Variants in AUH observed in about 807,000 individuals in gnomAD.
AUH encodes methylglutaconyl-CoA hydratase, mitochondrial.
Under a neutral mutation model 42.3 loss-of-function variants are expected in AUH, and 29 were observed. The ratio of observed to expected loss-of-function variants is 0.69; its 90% CI spans 0.51 to 0.93. The LOEUF is 0.93. AUH is among the 40% of genes least tolerant of loss of function. The probability of loss-of-function intolerance (pLI) is 0.00; values close to 1 mark genes in which losing one functional copy is unlikely to be tolerated. For missense variants in AUH, 452 were observed against 438.1 expected, an observed-to-expected ratio of 1.03 and a Z score of -0.28; for synonymous variants, 174 against 166.4, an observed-to-expected ratio of 1.05 and a Z score of -0.35.
At chr9:91,259,745 T>G (rs1829607811) in intron 6 of AUH, among the ~76,000 whole-genome samples, 2 of 152,176 alleles carry the variant, frequency 1.3e-5, no homozygotes. Context: ...TTTAAATATG[T>G]CTTTCGGTTT....
intron 1 of AUH, among the ~76,000 whole-genome samples, chr9:91,356,834 T>C (rs1832448918): frequency 6.6e-6 from 1 of 152,234 alleles, no homozygotes; most frequent in Admixed American, 6.5e-5. Context: ...TTTCAAAATA[T>C]CCAACTTCAA....
intron 4 of AUH, among the ~76,000 whole-genome samples, chr9:91,303,761 T>C (rs2131705040): frequency 6.6e-6 from 1 of 152,358 alleles, no homozygotes; most frequent in Admixed American, 6.5e-5. Context: ...TCAAGAAGAA[T>C]AGAAATAAAA....
chr9:91,326,171 T>C (rs1829956636), intron 3 of AUH, among the ~76,000 whole-genome samples: 1 of 152,110 alleles, frequency 6.6e-6, no homozygotes, highest in African/African-American at 2.4e-5. Flanking sequence ...AAAATTACAG[T>C]ATAGAAGGCA....
At chr9:91,285,896 G>A (rs910876989) in intron 6 of AUH, among the ~76,000 whole-genome samples, 1 of 152,124 alleles carries the variant, frequency 6.6e-6, no homozygotes, top group South Asian at 2.1e-4. Flanking sequence ...CTTTAAGGAA[G>A]TCACCTGGGG....
At chr9:91,233,673 T>A (rs1021438980) in intron 6 of AUH, among the ~76,000 whole-genome samples, 1 of 152,150 alleles carries the variant, frequency 6.6e-6, no homozygotes, top group Non-Finnish European at 1.5e-5. Flanking sequence ...AAATGAAGAT[T>A]ACGTAACTGT....
chr9:91,284,912 G>A (rs865815415), intron 6 of AUH, among the ~76,000 whole-genome samples: 10 of 152,162 alleles, frequency 6.6e-5, no homozygotes, highest in African/African-American at 2.4e-4. Context: ...CAATTCCTCA[G>A]GGATCTAGAA....
At chr9:91,327,781 T>C (rs969649432) in intron 3 of AUH, among the ~76,000 whole-genome samples, 9 of 152,208 alleles carry the variant, frequency 5.9e-5, no homozygotes, top group African/African-American at 2.2e-4. Flanking sequence ...GCAACATTTC[T>C]GGGGTCCCAG....
At chr9:91,355,317 A>T (rs1832322066) in intron 3 of AUH, among the ~76,000 whole-genome samples, 1 of 152,166 alleles carries the variant, frequency 6.6e-6, no homozygotes, top group East Asian at 1.9e-4. Flanking sequence ...AGCACTTTGG[A>T]AGGCCAAAGA....
intron 4 of AUH, among the ~76,000 whole-genome samples, chr9:91,303,432 A>G (rs1564081754): frequency 2.0e-5 from 3 of 151,784 alleles, no homozygotes; most frequent in Middle Eastern, 3.2e-3. Flanking sequence ...CCGGGTTCAC[A>G]CCATTCTCCT....
chr9:91,319,154 C>T (rs556378255), intron 4 of AUH, among the ~76,000 whole-genome samples: 9 of 152,232 alleles, frequency 5.9e-5, no homozygotes, highest in South Asian at 2.1e-4. Context: ...GTAAAGAGCA[C>T]GGCCTTGTGT....
chr9:91,361,682 C>G lies in AUH; in HGVS notation c.208G>C (p.Glu70Gln). The G allele has an allele frequency of 1.3e-6, 2 of 1,575,892 alleles. No homozygotes were observed. The highest frequency in any genetic ancestry group is 1.7e-6 in the Non-Finnish European group (2 of 1,160,964). ...CGCAGCTCGTCCTCCGTCTTCATCT[C>G]AGAGCTGTAGCCCCTTTTCGGGGCG... is the stretch of plus-strand genomic sequence containing the variant. Reference protein sequence around the residue: ...GPAPKRGYSSEMKTEDELRVR... With the variant: ...GPAPKRGYSSQMKTEDELRVR... Residue 70 changes from glutamate to glutamine, a missense_variant, in exon 1 of 10, where the codon GAG becomes CAG. Glu to Gln is a conservative substitution (Grantham distance 29, BLOSUM62 2). Transcript: ENST00000375731.
chr9:91,216,232 C>G, intron 8 of AUH, 126 bp from the exon 9 acceptor site: 1 of 942,474 alleles, frequency 1.1e-6, no homozygotes, highest in African/African-American at 1.6e-5. Context: ...TACAGCAGAT[C>G]AGAGTGTGAC....
At chr9:91,215,275 C>T (rs1282731199) in intron 9 of AUH, among the ~76,000 whole-genome samples, 1 of 152,126 alleles carries the variant, frequency 6.6e-6, no homozygotes, top group African/African-American at 2.4e-5. Flanking sequence ...AGTCATCCCT[C>T]AGTTATCTGC....
chr9:91,259,654 T>C (rs1305575906), intron 6 of AUH, among the ~76,000 whole-genome samples: 4 of 152,192 alleles, frequency 2.6e-5, no homozygotes, highest in African/African-American at 9.6e-5. Context: ...CAAAAATACA[T>C]TCAAATTGCT....
intron 1 of AUH, among the ~76,000 whole-genome samples, chr9:91,358,837 T>C (rs928370931): frequency 6.6e-6 from 1 of 152,240 alleles, no homozygotes; most frequent in Non-Finnish European, 1.5e-5. Flanking sequence ...ATGAATTATC[T>C]AATATGTAAC....
chr9:91,234,869 T>C (rs1170909381), intron 6 of AUH, among the ~76,000 whole-genome samples: 1 of 147,956 alleles, frequency 6.8e-6, no homozygotes, highest in African/African-American at 2.5e-5. Flanking sequence ...TAATTTAGAT[T>C]GGGTGGTTGG....
At chr9:91,335,641 C>CT (rs1330834071) in intron 3 of AUH, among the ~76,000 whole-genome samples, 1 of 152,028 alleles carries the variant, frequency 6.6e-6, no homozygotes, top group African/African-American at 2.4e-5. Context: ...CATTTTCAGC[C>CT]TTTTTTCTTT....
At chr9:91,303,010 C>T (rs997703587) in intron 4 of AUH, among the ~76,000 whole-genome samples, 1 of 152,132 alleles carries the variant, frequency 6.6e-6, no homozygotes, top group Non-Finnish European at 1.5e-5. Flanking sequence ...TTTTCAGTTT[C>T]GTACCAGGAA....
Position 91,250,013 on chromosome 9 carries a change from GA to G in AUH, c.656-29022del, listed in dbSNP as rs200013936. Among the ~76,000 whole-genome samples, 217 of 126,216 alleles carry G rather than the reference GA, an allele frequency of 1.7e-3. 1 individual carries two copies. The highest frequency in any genetic ancestry group is 4.1e-3 in the Middle Eastern group (1 of 242). 82.8% of individuals were successfully genotyped at this position (126,216 alleles called of 152,430 possible). ...GAGACAGAGTGAGACTCCGTCTCAA[GA>G]AAAAAAAAAAAAATCAGGGGTTCCA... On this transcript the variant is annotated intron_variant, in intron 6 of 9. Transcript: ENST00000375731.
Sources: gnomAD v4.1 joint callset for allele counts (sites outside exome capture counted in the v4.1 genomes callset) on GRCh38, gnomAD v4.1.1 for gene constraint, MANE v1.5 for transcripts, NCBI Gene and HGNC (gene_info 2026-07-23, HGNC 2026-07-21) for gene names.